The following TMEM50A variants were observed in gnomAD, a reference collection of about 807,000 sequenced individuals.
The protein encoded by TMEM50A is cervical cancer oncogene 9.
TMEM50A carries 8 observed loss-of-function variants against 23.9 expected under a neutral mutation model. That is an observed-to-expected ratio of 0.33 (90% confidence interval 0.20 to 0.60). TMEM50A has a LOEUF of 0.60. TMEM50A is among the 20% of genes least tolerant of loss of function. The pLI, the probability that TMEM50A is intolerant of heterozygous loss-of-function variation, is 0.81. For synonymous variants in TMEM50A, 55 were observed against 60.4 expected (o/e 0.91, Z 0.41); for missense variants, 178 against 192.7 (o/e 0.92, Z 0.45).
At chr1:25,357,528 A>T (rs1435360013) in intron 6 of TMEM50A, among the ~76,000 whole-genome samples, 6 of 139,660 alleles carry the variant, frequency 4.3e-5, no homozygotes, top group South Asian at 2.3e-4. Flanking sequence ...CTGCATCAGG[A>T]GTGTGTGTGT....
chr1:25,343,315 T>C (rs921937250), intron 3 of TMEM50A, among the ~76,000 whole-genome samples: 1 of 152,136 alleles, frequency 6.6e-6, no homozygotes, highest in African/African-American at 2.4e-5. Context: ...ACCCCCAGGG[T>C]TTATAGCTTT....
intron 5 of TMEM50A, among the ~76,000 whole-genome samples, chr1:25,354,442 A>G (rs1477078865): frequency 6.6e-6 from 1 of 152,080 alleles, no homozygotes; most frequent in African/African-American, 2.4e-5. Context: ...GGGAGACACC[A>G]TCTCTACAAA....
intron 3 of TMEM50A, among the ~76,000 whole-genome samples, chr1:25,346,329 A>G (rs1557585099): frequency 6.6e-6 from 1 of 152,080 alleles, no homozygotes; most frequent in Non-Finnish European, 1.5e-5. Context: ...GCACATCTCA[A>G]ACATGCACAT....
intron 6 of TMEM50A, among the ~76,000 whole-genome samples, chr1:25,357,380 C>T (rs544673574): frequency 2.6e-5 from 4 of 152,182 alleles, no homozygotes; most frequent in Non-Finnish European, 2.9e-5. Flanking sequence ...GTAATCTTCT[C>T]TGATGTTCAT....
intron 3 of TMEM50A, 130 bp from the exon 4 acceptor site, chr1:25,351,496 G>A: frequency 1.5e-6 from 1 of 660,220 alleles, no homozygotes; most frequent in Non-Finnish European, 2.4e-6. Context: ...GCAACAGAGT[G>A]AGACCCTGTA....
In TMEM50A at chr1:25,351,650, A is replaced by G. The variant is rs1323160804; in HGVS notation, c.231A>G (p.Gln77=). ...FLMINAVSNG[Q]VRGDSYSEGC... ...GGATTAATGCAGTATCGAATGGACA[A>G]GTCCGAGGTGATAGTTACAGTGAAG... Residue 77 remains glutamine (Q), a synonymous_variant, in exon 4 of 7, where the codon CAA becomes CAG. Coordinates refer to ENST00000374358, the MANE Select transcript of TMEM50A (RefSeq NM_014313.4). 1 of 1,613,608 alleles carries G rather than the reference A, an allele frequency of 6.2e-7. No individual in the cohort carries two copies. Among genetic ancestry groups the G allele is most frequent in the Non-Finnish European group, 8.5e-7 (1 of 1,179,864 alleles).
intron 6 of TMEM50A, 33 bp downstream of exon 6, chr1:25,356,886 GTT>G: frequency 6.8e-7 from 1 of 1,481,108 alleles, no homozygotes; most frequent in Non-Finnish European, 9.1e-7. Flanking sequence ...ATGTTTGTTT[GTT>G]TTTTTTTAAA....
In TMEM50A at chr1:25,361,212, T is replaced by C. The variant is rs1465257356; in HGVS notation, c.*507T>C. 1 of 156,076 alleles carries C rather than the reference T, an allele frequency of 6.4e-6. No homozygotes were observed. The highest frequency in any genetic ancestry group is 2.4e-5 in the African/African-American group (1 of 41,466). 9.7% of individuals were successfully genotyped at this position (156,076 alleles called of 1,614,324 possible). The stretch of plus-strand genomic sequence containing the variant: ...TACCAAAAATTCTGTGAACATGTAA[T>C]GTAACTGGCTTTTGAGGGTCTCCCA... On this transcript the variant is annotated 3_prime_UTR_variant, in exon 7 of 7. Coordinates refer to ENST00000374358, the MANE Select transcript of TMEM50A (RefSeq NM_014313.4).
At chr1:25,358,982 T>C (rs1645365500) in intron 6 of TMEM50A, among the ~76,000 whole-genome samples, 1 of 152,218 alleles carries the variant, frequency 6.6e-6, no homozygotes, top group Non-Finnish European at 1.5e-5. Context: ...CTCAAACTCC[T>C]GGGCTCAAGC....
At chr1:25,354,737 T>G (rs769017641) in intron 5 of TMEM50A, among the ~76,000 whole-genome samples, 2 of 152,238 alleles carry the variant, frequency 1.3e-5, no homozygotes, top group Non-Finnish European at 2.9e-5. Context: ...ATCCCCCGTT[T>G]GCATTTCACA....
chr1:25,360,559 A>G, intron 6 of TMEM50A, 101 bp from the exon 7 acceptor site: 1 of 1,321,404 alleles, frequency 7.6e-7, no homozygotes, highest in Non-Finnish European at 1.1e-6. Flanking sequence ...TCTACAACTC[A>G]TCAATTATTC....
chr1:25,341,471 C>T (rs943279995), intron 2 of TMEM50A, among the ~76,000 whole-genome samples: 1 of 152,094 alleles, frequency 6.6e-6, no homozygotes, highest in African/African-American at 2.4e-5. Context: ...TGGTCTCGAT[C>T]TCCTGACCTC....
chr1:25,350,469 C>G (rs1028959851), intron 3 of TMEM50A, among the ~76,000 whole-genome samples: 4 of 152,172 alleles, frequency 2.6e-5, no homozygotes, highest in African/African-American at 9.6e-5. Context: ...GAGCTCACCA[C>G]AACCTGTTTC....
At chr1:25,347,584 TC>T (rs1645231812) in intron 3 of TMEM50A, among the ~76,000 whole-genome samples, 1 of 152,218 alleles carries the variant, frequency 6.6e-6, no homozygotes, top group African/African-American at 2.4e-5. Context: ...CATACAGGCT[TC>T]CAGGTAATCC....
chr1:25,356,845 C>A lies in TMEM50A; in HGVS notation c.420C>A (p.Ile140=), dbSNP rs1645337881. ...CTGTATTTTTCCAGAATGCCTTCAT[C>A]TTTTTTGGGTAAGTTTGTTTTGCAT... is the stretch of plus-strand genomic sequence containing the variant. The part of the protein sequence containing the change: ...GIAVFFQNAF[I]FFGGLVFKFG... The change falls in exon 6 of 7, where the codon ATC becomes ATA. Residue 140 remains isoleucine, a synonymous_variant. Coordinates refer to ENST00000374358, the MANE Select transcript of TMEM50A (RefSeq NM_014313.4). 1 of 1,584,958 alleles carries A rather than the reference C, an allele frequency of 6.3e-7. No individual in the cohort carries two copies. Among genetic ancestry groups the A allele is most frequent in the South Asian group, 1.2e-5 (1 of 84,976 alleles).
At position 25,344,470 on chromosome 1, in the gene TMEM50A, A is replaced by C. The variant is rs140925126; in HGVS notation, c.206+1397A>C. ...TTCTTGTATTCTTACCAGTTTCTCA[A>C]ATTCATAAAATCGTTTAGTTTGCTT... On this transcript the variant is annotated intron_variant, in intron 3 of 6. Transcript: ENST00000374358. 2.5e-3 allele frequency among the ~76,000 whole-genome samples: 385 copies of C among 152,224 alleles called. 2 individuals carry two copies. The highest frequency in any genetic ancestry group is 8.8e-3 in the African/African-American group (365 of 41,532).
chr1:25,356,511 CA>C lies in TMEM50A; in HGVS notation c.368-274del, dbSNP rs568551835. ...AGTATATTCTCTAGTTCCATGAGGG[CA>C]AAAAAAATTTTACCTGTTTTGTTTA... On this transcript the variant is annotated intron_variant, in intron 5 of 6. Transcript: ENST00000374358. 8.6e-5 allele frequency among the ~76,000 whole-genome samples: 13 copies of C among 151,892 alleles called. No individual in the cohort carries two copies. In the East Asian group the frequency reaches 2.5e-3, roughly 29 times the overall value.
At chr1:25,351,514 A>G in intron 3 of TMEM50A, 112 bp from the exon 4 acceptor site, 7 of 681,802 alleles carry the variant, frequency 1.0e-5, no homozygotes, top group South Asian at 5.4e-5. Context: ...GTATCTTTAA[A>G]AAAAAAAAAA....
At chr1:25,357,547 G>GTGTGTGTGTGTGTGTGT (rs1557589044) in intron 6 of TMEM50A, among the ~76,000 whole-genome samples, 1 of 150,178 alleles carries the variant, frequency 6.7e-6, no homozygotes, top group Non-Finnish European at 1.5e-5. Flanking sequence ...GTGTGTGTGT[G>GTGTGTGTGTGTGTGTGT]TGTGTGTGTG....
Sources: gnomAD v4.1 joint callset for allele counts (sites outside exome capture counted in the v4.1 genomes callset) on GRCh38, gnomAD v4.1.1 for gene constraint, MANE v1.5 for transcripts, NCBI Gene and HGNC (gene_info 2026-07-23, HGNC 2026-07-21) for gene names.